Variants in SORCS3 observed in about 807,000 individuals in gnomAD.
SORCS3 encodes the protein sortilin related VPS10 domain containing receptor 3.
SORCS3 carries 57 observed loss-of-function variants against 146.3 expected under a neutral mutation model. The observed-to-expected ratio is 0.39, with a 90% confidence interval of 0.31 to 0.49. The LOEUF is 0.49. Ranked by LOEUF, SORCS3 falls within the 20% of genes least tolerant of loss-of-function variation. The probability of loss-of-function intolerance (pLI) is 0.92; values close to 1 mark genes in which losing one functional copy is unlikely to be tolerated. For synonymous variants in SORCS3, 653 were observed against 618.5 expected (o/e 1.06, Z -0.83); for missense variants, 1,341 against 1,575.5 (o/e 0.85, Z 2.52).
Position 105,160,775 on chromosome 10 carries a change from A to T in SORCS3, c.1732+1781A>T, listed in dbSNP as rs376180445. On this transcript the variant is annotated intron_variant, in intron 11 of 26. Coordinates refer to ENST00000369701, the MANE Select transcript of SORCS3 (RefSeq NM_014978.3). ...TATAATGTGCTCATCTCCTTCAATA[A>T]ATCCATAAATCCGATGCATGCACTA... Among the ~76,000 whole-genome samples the T allele has an allele frequency of 1.6e-4, 25 of 152,342 alleles. No individual in the cohort carries two copies. The East Asian group carries it at 4.0e-3, about 25-fold the overall frequency.
At chr10:105,087,931 T>C (rs933275364) in intron 5 of SORCS3, among the ~76,000 whole-genome samples, 1 of 152,228 alleles carries the variant, frequency 6.6e-6, no homozygotes, top group African/African-American at 2.4e-5. Context: ...GGCATCTGTA[T>C]ATTTCAGAGT....
chr10:105,026,184 T>C (rs2055229300), intron 4 of SORCS3, among the ~76,000 whole-genome samples: 2 of 152,160 alleles, frequency 1.3e-5, no homozygotes, highest in South Asian at 4.1e-4. Context: ...GTTACACATC[T>C]TATTGGTGTT....
At chr10:104,921,804 AC>A (rs2019090062) in intron 3 of SORCS3, among the ~76,000 whole-genome samples, 1 of 152,064 alleles carries the variant, frequency 6.6e-6, no homozygotes, top group South Asian at 2.1e-4. Context: ...TGGTGCCACT[AC>A]CACAGGTATA....
intron 24 of SORCS3, 88 bp downstream of exon 24, chr10:105,255,889 A>T (rs1375283634): frequency 1.8e-6 from 2 of 1,082,506 alleles, no homozygotes; most frequent in Admixed American, 4.2e-5. Context: ...ACCCTGCTGC[A>T]TAATGTCTGA....
At chr10:104,787,215 G>A (rs560908131) in intron 1 of SORCS3, among the ~76,000 whole-genome samples, 83 of 152,298 alleles carry the variant, frequency 5.4e-4, no homozygotes, top group African/African-American at 1.9e-3. Flanking sequence ...AGCTGGGGGT[G>A]GGATTGGGGA....
chr10:105,255,770 A>G lies in SORCS3; in HGVS notation c.3306A>G (p.Gln1102=), dbSNP rs374223099. The stretch of plus-strand genomic sequence containing the variant: ...AGTTTGAGCTGAAGCCGGGGGTACA[A>G]GTCATTGTGTATGTCACACAGCTGA... ...LVQFELKPGV[Q]VIVYVTQLTL... The change falls in exon 24 of 27, where the codon CAA becomes CAG. Residue 1102 remains glutamine, a synonymous_variant. Transcript: ENST00000369701. 6.8e-6 allele frequency: 11 copies of G among 1,613,970 alleles called. No individual in the cohort carries two copies. The highest frequency in any genetic ancestry group is 5.5e-5 in the South Asian group (5 of 91,012).
At chr10:104,773,500 C>T (rs2017275150) in intron 1 of SORCS3, among the ~76,000 whole-genome samples, 1 of 152,138 alleles carries the variant, frequency 6.6e-6, no homozygotes, top group Non-Finnish European at 1.5e-5. Flanking sequence ...TAAATCTGGG[C>T]TCTTCTATTT....
Position 105,119,684 on chromosome 10 carries a change from A to G in SORCS3, c.1212+14169A>G, listed in dbSNP as rs79187143. Among the ~76,000 whole-genome samples, 923 of 152,250 alleles carry G rather than the reference A, an allele frequency of 6.1e-3. 6 individuals carry two copies. The highest frequency in any genetic ancestry group is 0.021 in the African/African-American group (859 of 41,544). ...TCAAAGGAGATCATTTTGGAACTTTAAGGTTTAATGGCTGCCCTATTGGAT... is the reference window on the plus strand; with the variant it reads ...TCAAAGGAGATCATTTTGGAACTTTGAGGTTTAATGGCTGCCCTATTGGAT... On this transcript the variant is annotated intron_variant, in intron 7 of 26. Transcript: ENST00000369701.
intron 1 of SORCS3, among the ~76,000 whole-genome samples, chr10:104,673,456 ATGT>A (rs1397677837): frequency 3.5e-5 from 5 of 143,116 alleles, no homozygotes; most frequent in East Asian, 4.0e-4. Flanking sequence ...GTATTTTTTG[ATGT>A]TGTTGTTTGT....
At position 104,831,409 on chromosome 10, in the gene SORCS3, A is replaced by G. The variant is rs369847097; in HGVS notation, c.628-11383A>G. On this transcript the variant is annotated intron_variant, in intron 1 of 26. Coordinates refer to ENST00000369701, the MANE Select transcript of SORCS3 (RefSeq NM_014978.3). Reference sequence around the variant, plus strand: ...TTGCCCTGCTGAACCTGTGGCTGGAATTACCCCAAAAGTGATGGAAGGGAA... The same window carrying G: ...TTGCCCTGCTGAACCTGTGGCTGGAGTTACCCCAAAAGTGATGGAAGGGAA... Among the ~76,000 whole-genome samples the G allele has an allele frequency of 8.5e-5, 13 of 152,310 alleles. No homozygotes were observed. The East Asian group carries it at 1.9e-3, about 23-fold the overall frequency.
intron 4 of SORCS3, among the ~76,000 whole-genome samples, chr10:104,993,644 G>T (rs939280965): frequency 6.6e-6 from 1 of 152,166 alleles, no homozygotes; most frequent in Non-Finnish European, 1.5e-5. Context: ...GGCATAGATG[G>T]TCTCTTGAAC....
At chr10:104,794,361 A>G (rs976467979) in intron 1 of SORCS3, among the ~76,000 whole-genome samples, 4 of 151,974 alleles carry the variant, frequency 2.6e-5, no homozygotes, top group South Asian at 2.1e-4. Flanking sequence ...GGCTTTTTCT[A>G]TTATGAAGCC....
intron 5 of SORCS3, among the ~76,000 whole-genome samples, chr10:105,057,316 T>G (rs2133715233): frequency 6.6e-6 from 1 of 152,294 alleles, no homozygotes; most frequent in East Asian, 1.9e-4. Flanking sequence ...GACCATTCAT[T>G]AAAGAAGCAA....
chr10:104,942,100 C>T (rs1281561715), intron 3 of SORCS3, among the ~76,000 whole-genome samples: 4 of 151,940 alleles, frequency 2.6e-5, no homozygotes, highest in African/African-American at 7.3e-5. Context: ...GAGGTTGTGC[C>T]TAGACAGTAT....
At chr10:104,755,264 A>C (rs1041989862) in intron 1 of SORCS3, among the ~76,000 whole-genome samples, 1 of 152,224 alleles carries the variant, frequency 6.6e-6, no homozygotes, top group African/African-American at 2.4e-5. Context: ...GGAGATATTC[A>C]TTCATTCAAT....
chr10:104,939,912 C>T (rs1384168258), intron 3 of SORCS3, among the ~76,000 whole-genome samples: 2 of 151,950 alleles, frequency 1.3e-5, no homozygotes, highest in African/African-American at 4.8e-5. Context: ...CTCTCTCCCC[C>T]ATGCCTTTGT....
chr10:105,221,191 C>G (rs1354145399), intron 19 of SORCS3, among the ~76,000 whole-genome samples: 1 of 152,108 alleles, frequency 6.6e-6, no homozygotes, highest in Non-Finnish European at 1.5e-5. Context: ...ACTAGGGCAT[C>G]CATCCCCCTC....
At position 104,678,317 on chromosome 10, in the gene SORCS3, C is replaced by T. The variant is rs145641720; in HGVS notation, c.627+36363C>T. Among the ~76,000 whole-genome samples the T allele has an allele frequency of 5.9e-3, 892 of 152,232 alleles. 13 individuals carry two copies. The highest frequency in any genetic ancestry group is 7.3e-3 in the Non-Finnish European group (494 of 68,016). ...TATAGAGAGTTCAGAGCTGAGAAAG[C>T]AGCTGTTAAGTGCGTTCCTATGTGT... On this transcript the variant is annotated intron_variant, in intron 1 of 26. Coordinates refer to ENST00000369701, the MANE Select transcript of SORCS3 (RefSeq NM_014978.3).
intron 3 of SORCS3, among the ~76,000 whole-genome samples, chr10:104,930,177 T>A (rs1029965314): frequency 2.6e-5 from 4 of 151,918 alleles, no homozygotes; most frequent in African/African-American, 9.7e-5. Context: ...ACATTGTGCA[T>A]TGTTCTAATA....
Sources: allele counts gnomAD v4.1 joint callset (sites outside exome capture counted in the v4.1 genomes callset), GRCh38; gene constraint gnomAD v4.1.1; transcripts MANE v1.5; gene names NCBI Gene and HGNC (gene_info 2026-07-23, HGNC 2026-07-21).